HUWE1: variants seen among roughly 807,000 people sequenced by gnomAD.
HUWE1 encodes the protein HECT, UBA and WWE domain containing E3 ubiquitin protein ligase 1.
HUWE1 carries 18 observed loss-of-function variants against 299.4 expected under a neutral mutation model. That is an observed-to-expected ratio of 0.06 (90% CI 0.04 to 0.09). The LOEUF (loss-of-function observed/expected upper bound fraction) is 0.09, where lower values mean the gene tolerates loss of function less well. Ranked by LOEUF, HUWE1 falls within the 10% of genes least tolerant of loss-of-function variation. HUWE1 has a pLI of 1.00. For synonymous variants in HUWE1, 1,317 were observed against 1,286.1 expected (o/e 1.02, Z -0.51); for missense variants, 1,832 against 3,462.3 (o/e 0.53, Z 11.82).
In HUWE1 at chrX:53,617,373, T is replaced by C; in HGVS notation, c.1746A>G (p.Thr582=). The change falls in exon 20 of 84, where the codon ACA becomes ACG. Residue 582 remains threonine (T), a synonymous_variant. Transcript: ENST00000262854. ...TAAGCAGTGCATGCAGCATGACATC[T>C]GTCAATCCATTGTCCTGGAGTGAGG... ...LLSSLQDNGL[T]DVMLHALLIK... 8.3e-7 allele frequency: 1 copy of C among 1,198,483 alleles called. No homozygotes were observed. Among genetic ancestry groups the C allele is most frequent in the Non-Finnish European group, 1.1e-6 (1 of 884,779 alleles).
At chrX:53,675,442 G>A (rs1374830418) in intron 3 of HUWE1, among the ~76,000 whole-genome samples, 2 of 111,496 alleles carry the variant, frequency 1.8e-5, no homozygotes, top group Admixed American at 9.5e-5. Context: ...GAGAAACAAT[G>A]GACAGGCTAT....
chrX:53,577,663 C>T (rs1299833287), intron 43 of HUWE1, among the ~76,000 whole-genome samples: 13 of 112,069 alleles, frequency 1.2e-4, no homozygotes, highest in African/African-American at 3.6e-4. Flanking sequence ...CGATTGCAGG[C>T]GCGCGCCGCC....
At chrX:53,550,839 A>G in intron 65 of HUWE1, 62 bp downstream of exon 65, 1 of 1,199,100 alleles carries the variant, frequency 8.3e-7, no homozygotes, top group Non-Finnish European at 1.1e-6. Flanking sequence ...TACAAAGGTA[A>G]GAAAACATAG....
Position 53,615,038 on chromosome X carries a change from A to G in HUWE1, c.2050-293T>C, listed in dbSNP as rs782130396. ...ACCAGGAACTTATATACCAATTTCAACAACAATTCTAAAAGGAAACTGGCA... is the reference window on the plus strand; with the variant it reads ...ACCAGGAACTTATATACCAATTTCAGCAACAATTCTAAAAGGAAACTGGCA... On this transcript the variant is annotated intron_variant, in intron 22 of 83. Coordinates refer to ENST00000262854, the MANE Select transcript of HUWE1 (RefSeq NM_031407.7). Among the ~76,000 whole-genome samples the G allele has an allele frequency of 2.9e-5, 3 of 104,436 alleles. No individual in the cohort carries two copies. In the South Asian group the frequency reaches 1.4e-3, roughly 49 times the overall value. The allele number at this position is 104,436 out of a possible 115,157, so 90.7% of individuals were successfully genotyped here.
At chrX:53,631,895 C>A (rs187842441) in intron 9 of HUWE1, 5 of 370,426 alleles carry the variant, frequency 1.3e-5, no homozygotes, top group African/African-American at 1.3e-4. Flanking sequence ...TAACCCTCCA[C>A]TGACTTAATA....
chrX:53,634,203 CA>C (rs782183937), intron 8 of HUWE1, 32 bp downstream of exon 8: 3 of 1,114,185 alleles, frequency 2.7e-6, no homozygotes, highest in Non-Finnish European at 3.7e-6. Context: ...ACAGCTCTGT[CA>C]AAAGACACCC....
At chrX:53,611,068 C>T (rs2148756839) in intron 23 of HUWE1, among the ~76,000 whole-genome samples, 1 of 109,561 alleles carries the variant, frequency 9.1e-6, no homozygotes, top group African/African-American at 3.3e-5. Context: ...TAGAAAGGCA[C>T]CCCACGTACC....
Position 53,536,463 on chromosome X carries a change from C to G in HUWE1, c.12342G>C (p.Val4114=), listed in dbSNP as rs150862364. 1.1e-5 allele frequency: 13 copies of G among 1,208,691 alleles called. No homozygotes were observed. The African/African-American group carries it at 1.8e-4, about 16-fold the overall frequency. ...GACGGTTGTCATATACAGCTTTGGC[C>G]ACAATGCGTCCGACAAACTTGAAGT... ...LSYFKFVGRI[V]AKAVYDNRLL... The change falls in exon 79 of 84, where the codon GTG becomes GTC. Residue 4114 remains valine (V), a synonymous_variant. Transcript: ENST00000262854.
rs1353759464 is a variant in HUWE1 at position 53,576,985 on chromosome X, T to C, written c.5799A>G (p.Ser1933=). The C allele has an allele frequency of 8.3e-7, 1 of 1,201,871 alleles. No homozygotes were observed. Among genetic ancestry groups the C allele is most frequent in the Non-Finnish European group, 1.1e-6 (1 of 888,202 alleles). ...QLVKTTPLKP[S]PLPVIPDTIK... ...TAGTATCAGGGATGACAGGCAGAGG[T>C]GAGGGCTTCAAAGGGGTGGTCTTCA... is the stretch of plus-strand genomic sequence containing the variant. Residue 1933 remains serine, a synonymous_variant, in exon 44 of 84, where the codon TCA becomes TCG. Transcript: ENST00000262854.
intron 43 of HUWE1, 149 bp downstream of exon 43, chrX:53,580,682 A>T: frequency 3.7e-6 from 2 of 546,804 alleles, no homozygotes; most frequent in Non-Finnish European, 6.1e-6. Flanking sequence ...AGTACCTAAT[A>T]AATTGACCCA....
At chrX:53,594,734 C>A in intron 30 of HUWE1, 113 bp from the exon 31 acceptor site, 1 of 738,426 alleles carries the variant, frequency 1.4e-6, no homozygotes, top group Non-Finnish European at 2.1e-6. Context: ...TGACACCTCC[C>A]ACCTACTAAA....
chrX:53,623,670 A>T (rs1380240603), intron 19 of HUWE1, among the ~76,000 whole-genome samples: 1 of 112,809 alleles, frequency 8.9e-6, no homozygotes, highest in Non-Finnish European at 1.9e-5. Flanking sequence ...CAAAGACCAT[A>T]AACAAAGTAA....
intron 74 of HUWE1, among the ~76,000 whole-genome samples, chrX:53,541,243 G>GT (rs1182789808): frequency 1.8e-5 from 2 of 111,834 alleles, no homozygotes; most frequent in African/African-American, 6.5e-5. Context: ...TAACAAAGAG[G>GT]TTTGCCTCAG....
chrX:53,549,878 G>C (rs781868471), intron 66 of HUWE1, among the ~76,000 whole-genome samples: 1 of 108,700 alleles, frequency 9.2e-6, no homozygotes, highest in Admixed American at 9.9e-5. Flanking sequence ...TCAGCCTCCC[G>C]AGTAGCTGGG....
At chrX:53,675,859 A>G (rs2069792385) in intron 3 of HUWE1, among the ~76,000 whole-genome samples, 1 of 111,902 alleles carries the variant, frequency 8.9e-6, no homozygotes, top group Non-Finnish European at 1.9e-5. Flanking sequence ...AGGTTACAAC[A>G]GAACCTTGAA....
In HUWE1 at chrX:53,538,828, C is replaced by G; in HGVS notation, c.11878+7G>C. On this transcript the variant is annotated splice_region_variant and intron_variant, in intron 76 of 83. Coordinates refer to ENST00000262854, the MANE Select transcript of HUWE1 (RefSeq NM_031407.7). ...TCTACACCTGGCAGCCTAAAAGTTC[C>G]CTGTACCTGCAAAGCGAAGGAACTT... The G allele has an allele frequency of 3.3e-6, 4 of 1,199,696 alleles. No homozygotes were observed. In the Admixed American group the frequency reaches 8.9e-5, roughly 27 times the overall value.
chrX:53,670,570 C>G (rs1557048996), intron 3 of HUWE1, among the ~76,000 whole-genome samples: 1 of 111,272 alleles, frequency 9.0e-6, no homozygotes, highest in African/African-American at 3.3e-5. Flanking sequence ...CTGAATTCAC[C>G]CATAAAAGCA....
chrX:53,636,640 T>C (rs2067232553), intron 7 of HUWE1, among the ~76,000 whole-genome samples: 1 of 111,779 alleles, frequency 8.9e-6, no homozygotes, highest in African/African-American at 3.3e-5. Flanking sequence ...GAGGATGGCC[T>C]GAACCCGGGA....
intron 39 of HUWE1, among the ~76,000 whole-genome samples, chrX:53,585,988 C>A (rs1556972951): frequency 8.9e-6 from 1 of 112,195 alleles, no homozygotes; most frequent in African/African-American, 3.2e-5. Context: ...CAGTGCCCAG[C>A]CTATGGTTTA....
Sources: gnomAD v4.1 joint callset for allele counts (sites outside exome capture counted in the v4.1 genomes callset) on GRCh38, gnomAD v4.1.1 for gene constraint, MANE v1.5 for transcripts, NCBI Gene and HGNC (gene_info 2026-07-23, HGNC 2026-07-21) for gene names.